Variants in NCAM1 observed in about 807,000 individuals in gnomAD.
NCAM1 encodes the protein neural cell adhesion molecule 1.
Under a neutral mutation model 109.8 loss-of-function variants are expected in NCAM1, and 14 were observed. That is an observed-to-expected ratio of 0.13 (90% confidence interval 0.08 to 0.20). The LOEUF is 0.20. Ranked by LOEUF, NCAM1 falls within the 10% of genes least tolerant of loss-of-function variation. The pLI is 1.00. For synonymous variants in NCAM1, 418 were observed against 442.9 expected (o/e 0.94, Z 0.70); for missense variants, 774 against 1,109.9 (o/e 0.70, Z 4.30).
rs144733276 is a variant in NCAM1 at position 113,138,039 on chromosome 11, T to A, written c.53-64340T>A. Among the ~76,000 whole-genome samples, 70 of 152,162 alleles carry A rather than the reference T, an allele frequency of 4.6e-4. 1 individual carries two copies. Among genetic ancestry groups the A allele is most frequent in the African/African-American group, 1.7e-3 (70 of 41,510 alleles). On this transcript the variant is annotated intron_variant, in intron 1 of 19. Coordinates refer to ENST00000316851, the MANE Select transcript of NCAM1 (RefSeq NM_181351.5). ...CCCTAGGGAAAAAAAAAAATTCTCA[T>A]CTAAGAAAACAGCAGTGCGGGCCGT...
At chr11:113,186,573 C>T (rs1480062187) in intron 1 of NCAM1, among the ~76,000 whole-genome samples, 1 of 152,216 alleles carries the variant, frequency 6.6e-6, no homozygotes, top group Non-Finnish European at 1.5e-5. Flanking sequence ...ACCTTCATTC[C>T]ACATTCTTGG....
At chr11:113,110,919 A>T (rs1275335890) in intron 1 of NCAM1, among the ~76,000 whole-genome samples, 1 of 152,118 alleles carries the variant, frequency 6.6e-6, no homozygotes, top group Non-Finnish European at 1.5e-5. Context: ...AATAATATAC[A>T]CAATTCTAGT....
At chr11:113,243,392 G>A (rs1555119475) in intron 14 of NCAM1, among the ~76,000 whole-genome samples, 2 of 152,156 alleles carry the variant, frequency 1.3e-5, no homozygotes, top group Non-Finnish European at 2.9e-5. Flanking sequence ...GCTCCTTCCT[G>A]CTGTCTCCTT....
chr11:113,072,782 G>T (rs1408120893), intron 1 of NCAM1, among the ~76,000 whole-genome samples: 1 of 147,112 alleles, frequency 6.8e-6, no homozygotes, highest in Admixed American at 6.8e-5. Flanking sequence ...ATAGATTTTA[G>T]ACCAATAATC....
intron 1 of NCAM1, among the ~76,000 whole-genome samples, chr11:113,090,562 G>A (rs1254466023): frequency 3.3e-5 from 5 of 152,102 alleles, no homozygotes; most frequent in South Asian, 2.1e-4. Context: ...CAATGCCACC[G>A]CATCACCACA....
chr11:113,103,001 G>T (rs368152892), intron 1 of NCAM1, among the ~76,000 whole-genome samples: 357 of 151,832 alleles, frequency 2.4e-3, no homozygotes, highest in African/African-American at 8.2e-3. Context: ...GTTTCTGCGT[G>T]TTTGTGATTA....
intron 5 of NCAM1, among the ~76,000 whole-genome samples, chr11:113,206,995 A>C (rs1944257480): frequency 6.6e-6 from 1 of 152,258 alleles, no homozygotes; most frequent in South Asian, 2.1e-4. Context: ...CTATAAATTG[A>C]ATACCATCTT....
intron 1 of NCAM1, among the ~76,000 whole-genome samples, chr11:112,965,470 TTC>T: frequency 6.6e-6 from 1 of 152,220 alleles, no homozygotes; most frequent in Non-Finnish European, 1.5e-5. Context: ...ATCTGTATTT[TTC>T]TGTCACAAGG....
intron 1 of NCAM1, among the ~76,000 whole-genome samples, chr11:113,155,915 C>T (rs1555103398): frequency 6.6e-6 from 1 of 152,148 alleles, no homozygotes; most frequent in African/African-American, 2.4e-5. Flanking sequence ...TCTCTGAAGA[C>T]TCTTCTGTCT....
intron 1 of NCAM1, among the ~76,000 whole-genome samples, chr11:113,057,244 G>C (rs185444332): frequency 1.3e-5 from 2 of 152,228 alleles, no homozygotes; most frequent in Admixed American, 1.3e-4. Flanking sequence ...AGGTGTGAGA[G>C]GATGCAGAAG....
chr11:113,107,321 T>A (rs1940215554), intron 1 of NCAM1, among the ~76,000 whole-genome samples: 1 of 152,208 alleles, frequency 6.6e-6, no homozygotes, highest in South Asian at 2.1e-4. Flanking sequence ...TTTTATTAGG[T>A]GATGAGAATT....
At chr11:113,217,788 C>G (rs1408721919) in intron 8 of NCAM1, among the ~76,000 whole-genome samples, 3 of 152,194 alleles carry the variant, frequency 2.0e-5, no homozygotes, top group African/African-American at 7.2e-5. Flanking sequence ...TTTGTTGCAG[C>G]TCAGTGCTTC....
chr11:113,118,819 A>C (rs1940822528), intron 1 of NCAM1, among the ~76,000 whole-genome samples: 1 of 152,042 alleles, frequency 6.6e-6, no homozygotes, highest in Non-Finnish European at 1.5e-5. Flanking sequence ...ATGAGCCATT[A>C]AAAGACAGAA....
chr11:113,196,268 A>T (rs1943852817), intron 1 of NCAM1, among the ~76,000 whole-genome samples: 1 of 152,206 alleles, frequency 6.6e-6, no homozygotes, highest in African/African-American at 2.4e-5. Flanking sequence ...ACTGAGACCA[A>T]GGTGAAATTA....
At chr11:113,166,372 T>A (rs1591380727) in intron 1 of NCAM1, among the ~76,000 whole-genome samples, 1 of 152,172 alleles carries the variant, frequency 6.6e-6, no homozygotes, top group Admixed American at 6.5e-5. Flanking sequence ...AACGCACCAA[T>A]GGGTGCTACC....
At chr11:113,229,117 C>G (rs868959043) in intron 9 of NCAM1, among the ~76,000 whole-genome samples, 1 of 151,988 alleles carries the variant, frequency 6.6e-6, no homozygotes, top group Non-Finnish European at 1.5e-5. Flanking sequence ...TCTGCACAGC[C>G]AAAGAAACTA....
chr11:113,273,194 C>A lies in NCAM1; in HGVS notation c.2456+1318C>A. 2.6e-6 allele frequency: 1 copy of A among 387,848 alleles called. No individual in the cohort carries two copies. The allele number at this position is 387,848 out of a possible 1,614,324, so 24.0% of individuals were successfully genotyped here. A position where few individuals can be genotyped will look rare whatever the true frequency, so the allele number is the denominator to read the frequency against. ...CGGCCCCAGCTTCAGCCCCCAAGGT[C>A]GCCCCCCTCGTTGACCTGAGCGACA... On this transcript the variant is annotated intron_variant, in intron 19 of 19. Transcript: ENST00000316851. This position sits in a 1 kb window ranked among gnomAD's most constrained non-coding sequence, Gnocchi z 6.0.
intron 1 of NCAM1, among the ~76,000 whole-genome samples, chr11:112,997,084 G>A (rs1555071550): frequency 6.6e-6 from 1 of 152,142 alleles, no homozygotes; most frequent in East Asian, 1.9e-4. Context: ...AGAATAATGA[G>A]GGAGTGGGCA....
intron 15 of NCAM1, among the ~76,000 whole-genome samples, chr11:113,253,329 C>A (rs1441828786): frequency 6.6e-6 from 1 of 152,082 alleles, no homozygotes; most frequent in African/African-American, 2.4e-5. Context: ...AATTGTTGAC[C>A]TTGGAGTGCA....
Sources: gnomAD v4.1 joint callset for allele counts (sites outside exome capture counted in the v4.1 genomes callset) on GRCh38, gnomAD v4.1.1 for gene constraint, Gnocchi (gnomAD v3.1) non-coding constraint, MANE v1.5 for transcripts, NCBI Gene and HGNC (gene_info 2026-07-23, HGNC 2026-07-21) for gene names.